Variants in SHROOM3 observed in about 807,000 individuals in gnomAD.
The protein encoded by SHROOM3 is shroom family member 3.
SHROOM3 carries 47 observed loss-of-function variants against 138.6 expected under a neutral mutation model. The observed-to-expected ratio is 0.34, with a 90% CI of 0.27 to 0.43. The LOEUF (loss-of-function observed/expected upper bound fraction) is 0.43. Among genes scored for constraint, SHROOM3 ranks in the 20% least tolerant of loss-of-function variants. The pLI, the probability that SHROOM3 is intolerant of heterozygous loss-of-function variation, is 1.00. For synonymous variants in SHROOM3, 1,062 were observed against 1,063.3 expected (o/e 1.00, Z 0.02); for missense variants, 2,491 against 2,596.5 (o/e 0.96, Z 0.88).
At chr4:76,572,496 T>C (rs998963050) in intron 2 of SHROOM3, among the ~76,000 whole-genome samples, 1 of 152,132 alleles carries the variant, frequency 6.6e-6, no homozygotes, top group Non-Finnish European at 1.5e-5. Flanking sequence ...TAGGAAACCT[T>C]AGTGGTCAAT....
chr4:76,654,208 G>T (rs1009639035), intron 2 of SHROOM3, among the ~76,000 whole-genome samples: 1 of 152,126 alleles, frequency 6.6e-6, no homozygotes, highest in Non-Finnish European at 1.5e-5. Flanking sequence ...AGTTAACGTC[G>T]AAGTGTAAGA....
intron 1 of SHROOM3, among the ~76,000 whole-genome samples, chr4:76,526,294 C>G (rs953282123): frequency 6.6e-6 from 1 of 152,054 alleles, no homozygotes; most frequent in African/African-American, 2.4e-5. Flanking sequence ...TTGAACCTGG[C>G]AGGCAGAGGT....
intron 3 of SHROOM3, among the ~76,000 whole-genome samples, chr4:76,724,513 T>C (rs528991670): frequency 2.0e-5 from 3 of 152,356 alleles, no homozygotes; most frequent in Non-Finnish European, 4.4e-5. Context: ...TACTTTGCTT[T>C]TCAATAGGTA....
intron 1 of SHROOM3, among the ~76,000 whole-genome samples, chr4:76,469,034 CAAA>C (rs530021753): frequency 2.3e-5 from 2 of 87,388 alleles, no homozygotes; most frequent in Non-Finnish European, 2.4e-5. Context: ...ATTCCATCTC[CAAA>C]AAAAAAAAAA....
intron 2 of SHROOM3, among the ~76,000 whole-genome samples, chr4:76,559,004 C>T (rs1490210928): frequency 1.3e-5 from 2 of 152,184 alleles, no homozygotes; most frequent in African/African-American, 2.4e-5. Flanking sequence ...TTTTCATTCT[C>T]GTCAACACCA....
At chr4:76,618,455 A>G (rs748001629) in intron 2 of SHROOM3, among the ~76,000 whole-genome samples, 2 of 152,204 alleles carry the variant, frequency 1.3e-5, no homozygotes, top group Non-Finnish European at 2.9e-5. Flanking sequence ...CAGATTGAGG[A>G]CTTAATTTTT....
At position 76,741,402 on chromosome 4, in the gene SHROOM3, G is replaced by A. The variant is rs753184977; in HGVS notation, c.3229G>A (p.Glu1077Lys). The A allele has an allele frequency of 6.2e-6, 10 of 1,600,308 alleles. No homozygotes were observed. Among genetic ancestry groups the A allele is most frequent in the African/African-American group, 4.0e-5 (3 of 74,722 alleles). ...ACSTLSLSGP[E>K]LKQFQQSALA... is the part of the protein sequence containing the mutation. The stretch of plus-strand genomic sequence containing the variant: ...CTCCACGCTCAGCCTGTCGGGGCCC[G>A]AGCTGAAGCAGTTCCAGCAGAGCGC... The change falls in exon 5 of 11, where the codon GAG becomes AAG. Residue 1077 changes from glutamate (E) to lysine (K), a missense_variant. Physicochemically the swap from Glu to Lys is moderately conservative, Grantham distance 56 (BLOSUM62 1). This residue lies in a region of SHROOM3 where 1,733 missense variants were observed against 1,661.6 expected (regional missense o/e 1.04). Transcript: ENST00000296043. The surrounding 1 kb of genome is among the most constrained non-coding windows in gnomAD (Gnocchi z 6.2).
chr4:76,750,946 C>T (rs1419046910), intron 6 of SHROOM3, among the ~76,000 whole-genome samples: 1 of 152,134 alleles, frequency 6.6e-6, no homozygotes, highest in African/African-American at 2.4e-5. Context: ...AGCTGCATGC[C>T]TAGTGCTTGC....
intron 2 of SHROOM3, among the ~76,000 whole-genome samples, chr4:76,650,410 A>T (rs1483791015): frequency 6.6e-6 from 1 of 152,218 alleles, no homozygotes; most frequent in African/African-American, 2.4e-5. Context: ...GAGATCTACT[A>T]TACAATCTAG....
chr4:76,696,685 G>T (rs1719745182), intron 2 of SHROOM3, among the ~76,000 whole-genome samples: 1 of 152,102 alleles, frequency 6.6e-6, no homozygotes, highest in Non-Finnish European at 1.5e-5. Flanking sequence ...GCTCTGCTTG[G>T]TCAAATAAAA....
At chr4:76,742,427 A>C (rs1209603541) in intron 5 of SHROOM3, among the ~76,000 whole-genome samples, 3 of 152,104 alleles carry the variant, frequency 2.0e-5, no homozygotes, top group Admixed American at 1.3e-4. Flanking sequence ...TCCTGAGCTA[A>C]GTGTAATCTA....
At chr4:76,558,876 A>G (rs549605079) in intron 2 of SHROOM3, among the ~76,000 whole-genome samples, 71 of 152,294 alleles carry the variant, frequency 4.7e-4, no homozygotes, top group Non-Finnish European at 7.8e-4. Context: ...TGATGGCCAG[A>G]TGGTCCATCT....
chr4:76,464,879 G>C (rs4241593), intron 1 of SHROOM3, among the ~76,000 whole-genome samples: 108,563 of 152,004 alleles, frequency 0.71, 39,109 homozygotes, highest in East Asian at 0.78. Flanking sequence ...GCTTCCTGTA[G>C]AGCCTGCAGG....
chr4:76,596,260 T>A (rs1424475602), intron 2 of SHROOM3, among the ~76,000 whole-genome samples: 1 of 151,914 alleles, frequency 6.6e-6, no homozygotes, highest in Admixed American at 6.6e-5. Context: ...TATGAAAAAA[T>A]AGAGAGCCAG....
intron 4 of SHROOM3, among the ~76,000 whole-genome samples, chr4:76,735,868 A>ATAT (rs1316555891): frequency 1.6e-4 from 3 of 18,810 alleles, no homozygotes; most frequent in African/African-American, 2.1e-4. Flanking sequence ...AAAAAAAAAA[A>ATAT]ATATATATAT....
chr4:76,528,996 G>A (rs1039906922), intron 1 of SHROOM3, among the ~76,000 whole-genome samples: 3 of 152,158 alleles, frequency 2.0e-5, no homozygotes, highest in Non-Finnish European at 4.4e-5. Flanking sequence ...TTGGCTTTAG[G>A]TATCTATCCT....
At chr4:76,498,352 G>T (rs1415434788) in intron 1 of SHROOM3, among the ~76,000 whole-genome samples, 1 of 152,116 alleles carries the variant, frequency 6.6e-6, no homozygotes, top group Non-Finnish European at 1.5e-5. Context: ...TAGATTAACA[G>T]AGAGAGGGAG....
chr4:76,507,675 A>T (rs1248191579), intron 1 of SHROOM3, among the ~76,000 whole-genome samples: 1 of 151,606 alleles, frequency 6.6e-6, no homozygotes, highest in Admixed American at 6.6e-5. Flanking sequence ...AGTAGCTGGG[A>T]CTACAGGCGC....
At chr4:76,611,739 C>A (rs1156466313) in intron 2 of SHROOM3, among the ~76,000 whole-genome samples, 1 of 152,192 alleles carries the variant, frequency 6.6e-6, no homozygotes, top group Non-Finnish European at 1.5e-5. Context: ...AGGAACTCTA[C>A]AAGGAAACAC....
Sources: gnomAD v4.1 joint callset for allele counts (sites outside exome capture counted in the v4.1 genomes callset) on GRCh38, gnomAD v4.1.1 for gene constraint, gnomAD v4.1.1 regional missense constraint, Gnocchi (gnomAD v3.1) non-coding constraint, MANE v1.5 for transcripts, NCBI Gene and HGNC (gene_info 2026-07-23, HGNC 2026-07-21) for gene names.